SNTB2: variants seen among roughly 807,000 people sequenced by gnomAD.
SNTB2 encodes syntrophin beta 2, also known as beta-2-syntrophin.
A neutral mutation model predicts 46.2 loss-of-function variants in SNTB2; 34 were observed. The ratio of observed to expected loss-of-function variants is 0.74; its 90% CI spans 0.56 to 0.98. The LOEUF is 0.98. Among genes scored for constraint, SNTB2 ranks in the 50% least tolerant of loss-of-function variants. SNTB2 has a pLI of 0.00. For missense variants in SNTB2, 603 were observed against 731.4 expected (o/e 0.82, Z 2.02); for synonymous variants, 290 against 312.6 (o/e 0.93, Z 0.76).
Position 69,299,035 on chromosome 16 carries a change from C to T in SNTB2, c.1346-555C>T, listed in dbSNP as rs75000520. On this transcript the variant is annotated intron_variant, in intron 5 of 6. Transcript: ENST00000336278. ...TCTAGTGCCTTGCACAGCCTACACA[C>T]ACTTGCCAGTATGAGTGTTCAGTGG... 6.8e-3 allele frequency among the ~76,000 whole-genome samples: 1,039 copies of T among 152,290 alleles called. 19 individuals carry two copies. The highest frequency in any genetic ancestry group is 0.022 in the African/African-American group (913 of 41,564).
At chr16:69,219,718 ATTTTG>A (rs60116168) in intron 1 of SNTB2, among the ~76,000 whole-genome samples, 4,985 of 140,828 alleles carry the variant, frequency 0.035, 103 homozygotes, top group Admixed American at 0.057. Context: ...ATTTTATTTT[ATTTTG>A]TTTTGTTTTG....
chr16:69,237,110 G>A (rs1270504265), intron 1 of SNTB2, among the ~76,000 whole-genome samples: 1 of 152,190 alleles, frequency 6.6e-6, no homozygotes, highest in Non-Finnish European at 1.5e-5. Flanking sequence ...TGGGATTGGG[G>A]CCAACAGGAG....
At chr16:69,204,214 C>T (rs553284298) in intron 1 of SNTB2, among the ~76,000 whole-genome samples, 2 of 152,236 alleles carry the variant, frequency 1.3e-5, no homozygotes, top group African/African-American at 2.4e-5. Flanking sequence ...TTATTGAGAA[C>T]TTCCTCTTAA....
chr16:69,271,612 C>T (rs900222557), intron 4 of SNTB2, among the ~76,000 whole-genome samples: 1 of 152,028 alleles, frequency 6.6e-6, no homozygotes, highest in African/African-American at 2.4e-5. Context: ...AATATGTAAC[C>T]ATGTCTTAGT....
chr16:69,192,677 A>G (rs140897977), intron 1 of SNTB2, among the ~76,000 whole-genome samples: 79 of 152,294 alleles, frequency 5.2e-4, no homozygotes, highest in African/African-American at 1.5e-3. Flanking sequence ...GAGAAATACA[A>G]TTGATTTGGT....
At chr16:69,292,403 TA>T (rs1202417852) in intron 5 of SNTB2, among the ~76,000 whole-genome samples, 3,566 of 27,370 alleles carry the variant, frequency 0.13, 755 homozygotes, top group African/African-American at 0.36. Flanking sequence ...TATATATATA[TA>T]TATTATATAT....
intron 1 of SNTB2, among the ~76,000 whole-genome samples, chr16:69,222,592 CAAA>C (rs201176169): frequency 5.4e-5 from 3 of 55,264 alleles, no homozygotes; most frequent in African/African-American, 2.0e-4. Flanking sequence ...GACTTCATCT[CAAA>C]AAAAAAAAAA....
rs546083299 is a variant in SNTB2 at position 69,249,594 on chromosome 16, G to A, written c.794+3779G>A. Among the ~76,000 whole-genome samples, 4 of 152,200 alleles carry A rather than the reference G, an allele frequency of 2.6e-5. No homozygotes were observed. The East Asian group carries it at 7.7e-4, about 29-fold the overall frequency. ...CATATTTATACACTAAAGACATTTC[G>A]TGATGGTCAGATGTGAAATAGATTT... On this transcript the variant is annotated intron_variant, in intron 2 of 6. Transcript: ENST00000336278.
At chr16:69,217,374 T>C (rs1964359721) in intron 1 of SNTB2, among the ~76,000 whole-genome samples, 1 of 152,068 alleles carries the variant, frequency 6.6e-6, no homozygotes, top group Admixed American at 6.6e-5. Flanking sequence ...CTTGGGAGGC[T>C]GAGGTGGAAG....
At chr16:69,212,612 C>T (rs1301010550) in intron 1 of SNTB2, among the ~76,000 whole-genome samples, 1 of 152,086 alleles carries the variant, frequency 6.6e-6, no homozygotes, top group Non-Finnish European at 1.5e-5. Flanking sequence ...GCTGGGATTA[C>T]AGGCGTGAGC....
chr16:69,292,885 A>G (rs1258293926), intron 5 of SNTB2, among the ~76,000 whole-genome samples: 1 of 152,054 alleles, frequency 6.6e-6, no homozygotes, highest in Non-Finnish European at 1.5e-5. Flanking sequence ...ATACTTAACA[A>G]CATCCCCGTG....
chr16:69,222,457 G>T (rs1482543489), intron 1 of SNTB2, among the ~76,000 whole-genome samples: 2 of 152,000 alleles, frequency 1.3e-5, no homozygotes, highest in Non-Finnish European at 2.9e-5. Flanking sequence ...GTTGGGCGTG[G>T]TGGTGTGTGC....
Position 69,306,827 on chromosome 16 carries a change from C to T in SNTB2, c.*5903C>T, listed in dbSNP as rs1863058147. On this transcript the variant is annotated 3_prime_UTR_variant, in exon 7 of 7. Coordinates refer to ENST00000336278, the MANE Select transcript of SNTB2 (RefSeq NM_006750.4). Reference sequence around the variant, plus strand: ...TGGTGCGCGCCTGTGGTCCCAGCTACTCGGGAGGCTGAGGTGGGAGAATCC... The same window carrying T: ...TGGTGCGCGCCTGTGGTCCCAGCTATTCGGGAGGCTGAGGTGGGAGAATCC... 1 of 152,336 alleles carries T rather than the reference C, an allele frequency of 6.6e-6. No individual in the cohort carries two copies. The highest frequency in any genetic ancestry group is 2.1e-4 in the South Asian group (1 of 4,830). The allele number at this position is 152,336 out of a possible 1,614,324, so 9.4% of individuals were successfully genotyped here.
chr16:69,220,624 C>A (rs185556734), intron 1 of SNTB2, among the ~76,000 whole-genome samples: 244 of 151,754 alleles, frequency 1.6e-3, no homozygotes, highest in Non-Finnish European at 3.0e-3. Flanking sequence ...AACTCCTGGG[C>A]TCAAGCAATC....
Position 69,281,110 on chromosome 16 carries a change from T to C in SNTB2, c.1149-2938T>C, listed in dbSNP as rs1597198704. On this transcript the variant is annotated intron_variant, in intron 4 of 6. Coordinates refer to ENST00000336278, the MANE Select transcript of SNTB2 (RefSeq NM_006750.4). ...GCGCCCGGCCTCATTCTCTTAACAG[T>C]ATTTTTTGCAGATCAGAAGTTTTTA... is the stretch of plus-strand genomic sequence containing the variant. 2.6e-5 allele frequency among the ~76,000 whole-genome samples: 4 copies of C among 152,224 alleles called. No homozygotes were observed. The East Asian group carries it at 7.7e-4, about 29-fold the overall frequency.
intron 5 of SNTB2, among the ~76,000 whole-genome samples, chr16:69,287,215 AT>A (rs1019184766): frequency 2.0e-5 from 3 of 151,812 alleles, no homozygotes; most frequent in African/African-American, 7.3e-5. Context: ...ATATTTGCAA[AT>A]TTTTTTCTTT....
At chr16:69,294,320 T>G (rs1965202770) in intron 5 of SNTB2, among the ~76,000 whole-genome samples, 2 of 152,056 alleles carry the variant, frequency 1.3e-5, no homozygotes, top group Non-Finnish European at 2.9e-5. Flanking sequence ...CCCAGCCAGT[T>G]GTTTGAATTT....
intron 1 of SNTB2, among the ~76,000 whole-genome samples, chr16:69,238,212 C>T (rs1964576768): frequency 6.6e-6 from 1 of 152,022 alleles, no homozygotes; most frequent in Non-Finnish European, 1.5e-5. Context: ...AGCATTTATC[C>T]CCTTGGCCCC....
intron 5 of SNTB2, among the ~76,000 whole-genome samples, chr16:69,295,171 T>C (rs1196497461): frequency 6.6e-6 from 1 of 151,174 alleles, no homozygotes; most frequent in Non-Finnish European, 1.5e-5. Context: ...ATTGTGCTGC[T>C]ATTGTGTGTC....
Sources: allele counts gnomAD v4.1 joint callset (sites outside exome capture counted in the v4.1 genomes callset), GRCh38; gene constraint gnomAD v4.1.1; transcripts MANE v1.5; gene names NCBI Gene and HGNC (gene_info 2026-07-23, HGNC 2026-07-21).